Variants in ZNRF1 observed in about 807,000 individuals in gnomAD.
The protein encoded by ZNRF1 is E3 ubiquitin-protein ligase ZNRF1.
Under a neutral mutation model 18.4 loss-of-function variants are expected in ZNRF1, and 3 were observed. The ratio of observed to expected loss-of-function variants is 0.16; its 90% CI spans 0.07 to 0.42. The LOEUF is 0.42. Among genes scored for constraint, ZNRF1 ranks in the 10% least tolerant of loss-of-function variants. The probability of loss-of-function intolerance (pLI) is 0.99; values close to 1 mark genes in which losing one functional copy is unlikely to be tolerated. For missense variants in ZNRF1, 310 were observed against 329.8 expected (o/e 0.94, Z 0.47); for synonymous variants, 157 against 144.2 (o/e 1.09, Z -0.64).
At chr16:75,070,505 T>G (rs1205306287) in intron 1 of ZNRF1, among the ~76,000 whole-genome samples, 3 of 152,186 alleles carry the variant, frequency 2.0e-5, no homozygotes, top group Non-Finnish European at 4.4e-5. Flanking sequence ...ATCCACATTT[T>G]TTTGCAACTC....
chr16:75,032,104 G>GTTTTTT (rs1162819265), intron 1 of ZNRF1, among the ~76,000 whole-genome samples: 46 of 108,636 alleles, frequency 4.2e-4, no homozygotes, highest in African/African-American at 7.2e-4. Flanking sequence ...TTCTTGTGAG[G>GTTTTTT]TTTTTTTTTT....
Position 74,999,528 on chromosome 16 carries a change from C to G in ZNRF1, c.-144C>G. ...CGCCCCGCGGGTTTTTTCCTTTTTT[C>G]CTTTTGCTTTTTTTCCTTTTCTCCC... On this transcript the variant is annotated 5_prime_UTR_variant, in exon 1 of 5. Transcript: ENST00000335325. 1.7e-6 allele frequency: 1 copy of G among 592,224 alleles called. No individual in the cohort carries two copies. 36.7% of individuals were successfully genotyped at this position (592,224 alleles called of 1,614,324 possible).
chr16:75,022,345 C>A (rs989015174), intron 1 of ZNRF1, among the ~76,000 whole-genome samples: 1 of 151,678 alleles, frequency 6.6e-6, no homozygotes, highest in Non-Finnish European at 1.5e-5. Flanking sequence ...GGGTGGATCA[C>A]GAGGTCAGGA....
At chr16:75,049,470 G>T (rs570461464) in intron 1 of ZNRF1, among the ~76,000 whole-genome samples, 1 of 152,224 alleles carries the variant, frequency 6.6e-6, no homozygotes, top group South Asian at 2.1e-4. Flanking sequence ...GGGACCACAG[G>T]TGTGCACCAC....
At chr16:75,105,191 G>T in intron 3 of ZNRF1, 1 of 321,806 alleles carries the variant, frequency 3.1e-6, no homozygotes, top group Non-Finnish European at 6.0e-6. Context: ...GATCCCACTG[G>T]GAAGGTTGGT....
chr16:75,041,002 A>T (rs1322957322), intron 1 of ZNRF1, among the ~76,000 whole-genome samples: 1 of 152,194 alleles, frequency 6.6e-6, no homozygotes, highest in African/African-American at 2.4e-5. Context: ...ATTCCATTAT[A>T]TGAATTTACC....
intron 2 of ZNRF1, among the ~76,000 whole-genome samples, chr16:75,101,898 G>C (rs1361057549): frequency 6.6e-6 from 1 of 152,202 alleles, no homozygotes; most frequent in Non-Finnish European, 1.5e-5. Context: ...TCCACTACTT[G>C]CCATGTTTGG....
chr16:75,095,607 A>C, intron 2 of ZNRF1: 2 of 1,547,272 alleles, frequency 1.3e-6, no homozygotes, highest in East Asian at 2.4e-5. Context: ...GGAAGAATAC[A>C]AAGAAGCCTC....
chr16:75,036,941 A>G (rs536130434), intron 1 of ZNRF1, among the ~76,000 whole-genome samples: 37 of 152,260 alleles, frequency 2.4e-4, no homozygotes, highest in African/African-American at 8.9e-4. Context: ...GATTTGGGAG[A>G]GAAGAGAGAA....
chr16:75,001,807 T>A (rs996825449), intron 1 of ZNRF1, among the ~76,000 whole-genome samples: 2 of 152,218 alleles, frequency 1.3e-5, no homozygotes, highest in Non-Finnish European at 2.9e-5. Context: ...ATTATGCTAC[T>A]ACCAGGTTCC....
chr16:75,018,145 A>G (rs1186641363), intron 1 of ZNRF1, among the ~76,000 whole-genome samples: 3 of 152,252 alleles, frequency 2.0e-5, no homozygotes, highest in Non-Finnish European at 4.4e-5. Flanking sequence ...AGTGATCAGT[A>G]ATGTAAGCTG....
At chr16:75,024,596 G>T (rs1026424592) in intron 1 of ZNRF1, among the ~76,000 whole-genome samples, 14 of 152,218 alleles carry the variant, frequency 9.2e-5, no homozygotes, top group African/African-American at 3.4e-4. Flanking sequence ...AAGATGGCTT[G>T]TAAGATGACA....
chr16:75,107,278 TG>T (rs112442142), intron 4 of ZNRF1: 2,067 of 187,014 alleles, frequency 0.011, 49 homozygotes, highest in African/African-American at 0.04. Flanking sequence ...AGTTCTGGGC[TG>T]GCATTTTCCT....
chr16:75,041,262 T>C (rs1000711544), intron 1 of ZNRF1, among the ~76,000 whole-genome samples: 3 of 152,224 alleles, frequency 2.0e-5, no homozygotes, highest in Admixed American at 2.0e-4. Flanking sequence ...CCGTGTATTG[T>C]TGACTTACGG....
At chr16:75,004,410 G>A (rs192027218) in intron 1 of ZNRF1, among the ~76,000 whole-genome samples, 1 of 152,156 alleles carries the variant, frequency 6.6e-6, no homozygotes, top group East Asian at 1.9e-4. Context: ...TAAATGTGGG[G>A]TACAAAACAT....
chr16:75,011,593 C>T (rs778024618), intron 1 of ZNRF1, among the ~76,000 whole-genome samples: 1 of 152,176 alleles, frequency 6.6e-6, no homozygotes, highest in Non-Finnish European at 1.5e-5. Flanking sequence ...TACCCATGTA[C>T]ATCCTATATT....
intron 1 of ZNRF1, among the ~76,000 whole-genome samples, chr16:75,009,404 A>G (rs1294541795): frequency 1.3e-5 from 2 of 152,050 alleles, no homozygotes; most frequent in Non-Finnish European, 2.9e-5. Context: ...TGGCTGTCCT[A>G]TTTCACTTAG....
At position 75,000,067 on chromosome 16, in the gene ZNRF1, C is replaced by G; in HGVS notation, c.396C>G (p.Ile132Met). 2.5e-6 allele frequency: 4 copies of G among 1,602,466 alleles called. No individual in the cohort carries two copies. Among genetic ancestry groups the G allele is most frequent in the Non-Finnish European group, 3.4e-6 (4 of 1,175,774 alleles). Residue 132 changes from isoleucine to methionine, a missense_variant, in exon 1 of 5, where the codon ATC becomes ATG. Physicochemically the swap from Ile to Met is conservative, Grantham distance 10. This residue lies in a region of ZNRF1 where 293 missense variants were observed against 291.2 expected (regional missense o/e 1.01). Transcript: ENST00000335325. The stretch of plus-strand genomic sequence containing the variant: ...TGGCGGATGCTCTACCTCTGCACAT[C>G]GCACCCAGGTGGTTCAGCTCGCATA... The part of the protein sequence containing the change: ...ASLADALPLH[I>M]APRWFSSHSG...
chr16:75,018,067 G>A (rs192942590), intron 1 of ZNRF1, among the ~76,000 whole-genome samples: 13 of 152,248 alleles, frequency 8.5e-5, no homozygotes, highest in Admixed American at 4.6e-4. Context: ...CTATCATATA[G>A]GACTCATATG....
Sources: gnomAD v4.1 joint callset for allele counts (sites outside exome capture counted in the v4.1 genomes callset) on GRCh38, gnomAD v4.1.1 for gene constraint, gnomAD v4.1.1 regional missense constraint, MANE v1.5 for transcripts, NCBI Gene and HGNC (gene_info 2026-07-23, HGNC 2026-07-21) for gene names.